Variants in UNC79 observed in about 807,000 individuals in gnomAD.
UNC79 encodes the protein protein unc-79 homolog.
UNC79 carries 37 observed loss-of-function variants against 283.1 expected under a neutral mutation model. The observed-to-expected ratio is 0.13, with a 90% CI of 0.10 to 0.17. The LOEUF (loss-of-function observed/expected upper bound fraction) is 0.17. Among genes scored for constraint, UNC79 ranks in the 10% least tolerant of loss-of-function variants. The pLI is 1.00. For missense variants in UNC79, 2,272 were observed against 3,211.1 expected, an observed-to-expected ratio of 0.71 and a Z score of 7.07; for synonymous variants, 1,107 against 1,200.2, an observed-to-expected ratio of 0.92 and a Z score of 1.61.
intron 4 of UNC79, among the ~76,000 whole-genome samples, 200 bp from the exon 5 acceptor site, chr14:93,487,463 C>T (rs1309459325): frequency 6.6e-6 from 1 of 152,176 alleles, no homozygotes; most frequent in Non-Finnish European, 1.5e-5. Context: ...TAGATTCTCA[C>T]TCAATTTTCC....
rs535938076 is a variant in UNC79, at chr14:93,510,512, A to G, written c.898+13226A>G. Among the ~76,000 whole-genome samples the G allele has an allele frequency of 3.6e-4, 55 of 152,348 alleles. No individual in the cohort carries two copies. In the South Asian group the frequency reaches 0.011, roughly 32 times the overall value. On this transcript the variant is annotated intron_variant, in intron 7 of 48. Coordinates refer to ENST00000555664, the Ensembl canonical transcript of UNC79. Reference sequence around the variant, plus strand: ...GCACTGTTAGAAGCAGCTTGGCCACATTGTGAATGCTTTGCTGCTTAGAAA... The same window carrying G: ...GCACTGTTAGAAGCAGCTTGGCCACGTTGTGAATGCTTTGCTGCTTAGAAA...
chr14:93,572,675 T>C lies in UNC79; in HGVS notation c.1947-18T>C, dbSNP rs1171847763. ...TCTATGCCCATTGGTCATTTACTTT[T>C]GTTGCTCTGCTTTCCAGCAAAATGT... On this transcript the variant is annotated intron_variant, in intron 15 of 48. Coordinates refer to ENST00000555664, the Ensembl canonical transcript of UNC79. 1 of 1,613,744 alleles carries C rather than the reference T, an allele frequency of 6.2e-7. No homozygotes were observed. The highest frequency in any genetic ancestry group is 8.5e-7 in the Non-Finnish European group (1 of 1,179,838).
chr14:93,512,689 A>G (rs2059883979), intron 7 of UNC79, among the ~76,000 whole-genome samples: 1 of 152,106 alleles, frequency 6.6e-6, no homozygotes, highest in Non-Finnish European at 1.5e-5. Context: ...TATATATGCT[A>G]TCTTTTCTAA....
At chr14:93,344,033 G>T (rs886728111) in intron 1 of UNC79, among the ~76,000 whole-genome samples, 2 of 151,500 alleles carry the variant, frequency 1.3e-5, no homozygotes, top group Non-Finnish European at 2.9e-5. Context: ...TGGGGTGGGG[G>T]TGGGTGGCAG....
intron 12 of UNC79, among the ~76,000 whole-genome samples, chr14:93,540,176 T>C (rs2061307720): frequency 6.6e-6 from 1 of 152,244 alleles, no homozygotes; most frequent in Non-Finnish European, 1.5e-5. Flanking sequence ...AATTGGAACT[T>C]GTTTAGCAAA....
intron 22 of UNC79, among the ~76,000 whole-genome samples, chr14:93,591,821 G>A (rs2064704608): frequency 6.6e-6 from 1 of 152,170 alleles, no homozygotes; most frequent in Non-Finnish European, 1.5e-5. Flanking sequence ...GAACTGCGAG[G>A]GATCACTTTT....
At chr14:93,549,776 G>T (rs912953707) in intron 14 of UNC79, among the ~76,000 whole-genome samples, 1 of 152,232 alleles carries the variant, frequency 6.6e-6, no homozygotes, top group Admixed American at 6.5e-5. Flanking sequence ...CTTATTAACA[G>T]TTGGCTGCCT....
chr14:93,421,808 C>T (rs1365746040), intron 1 of UNC79, among the ~76,000 whole-genome samples: 1 of 149,928 alleles, frequency 6.7e-6, no homozygotes, highest in African/African-American at 2.4e-5. Flanking sequence ...GAACATTTAT[C>T]ATGGCCAAAT....
intron 26 of UNC79, among the ~76,000 whole-genome samples, chr14:93,607,782 G>A (rs2065989912): frequency 6.6e-6 from 1 of 152,192 alleles, no homozygotes; most frequent in African/African-American, 2.4e-5. Context: ...CCCAGTACTA[G>A]TTAGGATCAA....
intron 39 of UNC79, among the ~76,000 whole-genome samples, chr14:93,661,052 A>C (rs771688636): frequency 5.3e-5 from 8 of 152,222 alleles, no homozygotes; most frequent in Non-Finnish European, 1.0e-4. Context: ...AACTAACACA[A>C]AGTGCATTCA....
intron 33 of UNC79, among the ~76,000 whole-genome samples, chr14:93,642,768 T>A (rs919497260): frequency 2.0e-5 from 3 of 152,248 alleles, no homozygotes; most frequent in African/African-American, 7.2e-5. Flanking sequence ...TTCTTTGGCC[T>A]ATATTTAGGA....
Position 93,706,721 on chromosome 14 carries a change from C to A in UNC79, c.7608C>A (p.Leu2536=), listed in dbSNP as rs149539999. Residue 2536 remains leucine, a synonymous_variant, in exon 49 of 49, where the codon CTC becomes CTA. Coordinates refer to ENST00000555664, the Ensembl canonical transcript of UNC79. Reference sequence around the variant, plus strand: ...TTCGACAGCACTTATCTGCGGGACTCCAGCTTCGCCTCCAGGCTATTCAGA... The same window carrying A: ...TTCGACAGCACTTATCTGCGGGACTACAGCTTCGCCTCCAGGCTATTCAGA... 9 of 1,614,238 alleles carry A rather than the reference C, an allele frequency of 5.6e-6. No individual in the cohort carries two copies. In the East Asian group the frequency reaches 1.6e-4, roughly 28 times the overall value.
intron 1 of UNC79, among the ~76,000 whole-genome samples, chr14:93,346,840 G>A (rs1035591683): frequency 3.3e-5 from 5 of 152,116 alleles, no homozygotes; most frequent in Non-Finnish European, 1.5e-5. Context: ...AGGGTGGCAG[G>A]AGAGTTTAGG....
chr14:93,469,343 T>G (rs949057761), intron 2 of UNC79, among the ~76,000 whole-genome samples: 1 of 152,220 alleles, frequency 6.6e-6, no homozygotes, highest in Admixed American at 6.5e-5. Flanking sequence ...GAGTTCATTT[T>G]CAAACGGAGG....
At chr14:93,557,076 A>G (rs1209344707) in intron 14 of UNC79, among the ~76,000 whole-genome samples, 1 of 152,230 alleles carries the variant, frequency 6.6e-6, no homozygotes, top group Non-Finnish European at 1.5e-5. Flanking sequence ...AGAGAAGGAC[A>G]TCCTTAAGTT....
intron 1 of UNC79, among the ~76,000 whole-genome samples, chr14:93,378,097 T>A (rs940292652): frequency 8.5e-5 from 13 of 152,222 alleles, no homozygotes; most frequent in African/African-American, 3.1e-4. Flanking sequence ...ATTAGGACTG[T>A]CAACCAATTT....
chr14:93,438,609 A>G (rs568931727), intron 1 of UNC79, among the ~76,000 whole-genome samples: 3 of 150,996 alleles, frequency 2.0e-5, no homozygotes, highest in African/African-American at 7.3e-5. Flanking sequence ...CCCATTCAAC[A>G]TTGTTCTTAA....
At chr14:93,662,676 G>C in exon 40 of UNC79, 1 of 1,611,518 alleles carries the variant, frequency 6.2e-7, no homozygotes, top group Non-Finnish European at 8.5e-7. Flanking sequence ...GGCCTACCTG[G>C]TGGAGCTGTG....
chr14:93,462,442 C>T (rs2056994045), intron 1 of UNC79, among the ~76,000 whole-genome samples: 1 of 152,194 alleles, frequency 6.6e-6, no homozygotes, highest in Non-Finnish European at 1.5e-5. Flanking sequence ...TGGGCAGCCC[C>T]TGAAGGACTT....
Sources: allele counts gnomAD v4.1 joint callset (sites outside exome capture counted in the v4.1 genomes callset), GRCh38; gene constraint gnomAD v4.1.1; transcripts MANE v1.5; gene names NCBI Gene and HGNC (gene_info 2026-07-23, HGNC 2026-07-21).